PKD1L1: variants seen among roughly 807,000 people sequenced by gnomAD.
PKD1L1 encodes polycystin 1 like 1, transient receptor potential channel interacting.
A neutral mutation model predicts 323.4 loss-of-function variants in PKD1L1; 236 were observed. That is an observed-to-expected ratio of 0.73 (90% CI 0.66 to 0.81). The LOEUF (loss-of-function observed/expected upper bound fraction) is 0.81. Among genes scored for constraint, PKD1L1 ranks in the 40% least tolerant of loss-of-function variants. The pLI is 0.00. For synonymous variants in PKD1L1, 1,344 were observed against 1,335.0 expected (o/e 1.01, Z -0.15); for missense variants, 3,320 against 3,508.0 (o/e 0.95, Z 1.35).
chr7:47,949,727 T>C (rs1183539611), upstream of PKD1L1, among the ~76,000 whole-genome samples: 1 of 152,070 alleles, frequency 6.6e-6, no homozygotes, highest in African/African-American at 2.4e-5. Flanking sequence ...CTGAAGAGAG[T>C]GATACCAAGA....
At chr7:47,846,843 T>TA in intron 32 of PKD1L1, 36 bp downstream of exon 32, 1 of 1,569,080 alleles carries the variant, frequency 6.4e-7, no homozygotes, top group Non-Finnish European at 8.6e-7. Flanking sequence ...AGTCATTTAC[T>TA]AAAAATCTCA....
intron 19 of PKD1L1, among the ~76,000 whole-genome samples, chr7:47,883,569 G>A (rs1184214551): frequency 6.6e-6 from 1 of 152,170 alleles, no homozygotes; most frequent in Non-Finnish European, 1.5e-5. Context: ...CATGCCTCTT[G>A]TCTCTAGGAC....
chr7:47,825,252 A>G (rs1203523776), intron 45 of PKD1L1, among the ~76,000 whole-genome samples: 1 of 152,106 alleles, frequency 6.6e-6, no homozygotes, highest in Non-Finnish European at 1.5e-5. Flanking sequence ...CCTTTAGGCC[A>G]GGTGTGGTGG....
Position 47,853,194 on chromosome 7 carries a change from A to G in PKD1L1, c.4893T>C (p.Leu1631=), listed in dbSNP as rs138237758. The change falls in exon 31 of 57, where the codon CTT becomes CTC. Residue 1631 remains leucine, a synonymous_variant. Transcript: ENST00000289672. The stretch of plus-strand genomic sequence containing the variant: ...CATCCCAGAAGTAGATCTGCTTCAC[A>G]AGAAAATCAGAGGGAGTAGGTTTCT... ...FSEKPTPSDF[L]VKQIYFWDES... is the part of the protein sequence containing the mutation. 3.9e-4 allele frequency: 624 copies of G among 1,613,484 alleles called. 2 individuals carry two copies. The highest frequency in any genetic ancestry group is 1.1e-3 in the South Asian group (99 of 91,060).
Position 47,839,606 on chromosome 7 carries a change from C to G in PKD1L1, c.5609G>C (p.Gly1870Ala), listed in dbSNP as rs1284732759. ...RKIRLWHDSRGPSPGWFISHV... is the reference protein window; with the variant it reads ...RKIRLWHDSRAPSPGWFISHV... Reference sequence around the variant, plus strand: ...GCTGATGAACCAGCCTGGGGAAGGCCCACGGCTGTCGTGCCAGAGGCGGAT... The same window carrying G: ...GCTGATGAACCAGCCTGGGGAAGGCGCACGGCTGTCGTGCCAGAGGCGGAT... Residue 1870 changes from glycine (G) to alanine (A), a missense_variant, in exon 36 of 57, where the codon GGG becomes GCG. Coordinates refer to ENST00000289672, the MANE Select transcript of PKD1L1 (RefSeq NM_138295.5). The surrounding 1 kb of genome is among the most constrained non-coding windows in gnomAD (Gnocchi z 4.3). The G allele has an allele frequency of 7.5e-6, 12 of 1,593,596 alleles. No individual in the cohort carries two copies. Among genetic ancestry groups the G allele is most frequent in the Non-Finnish European group, 1.0e-5 (12 of 1,170,350 alleles).
chr7:47,815,541 A>T, intron 46 of PKD1L1, 84 bp from the exon 47 acceptor site: 2 of 1,466,722 alleles, frequency 1.4e-6, no homozygotes, highest in Non-Finnish European at 1.9e-6. Flanking sequence ...TTTTCTTGCC[A>T]ATTTTTCTCT....
chr7:47,944,120 C>T (rs113919510), intron 1 of PKD1L1, among the ~76,000 whole-genome samples: 3 of 152,326 alleles, frequency 2.0e-5, no homozygotes, highest in Non-Finnish European at 2.9e-5. Flanking sequence ...TGTCCCTGTG[C>T]AAATCTCATG....
rs1786980934 is a variant in PKD1L1, at chr7:47,792,758, G to A, written c.8395C>T (p.Leu2799Phe). ...GACAAACCATTAATCTTCATCAGAA[G>A]TTCGTCTAACAGATTTGCAAATTCA... ...LDEFANLLDE[L>F]LMKINGLSDS... is the part of the protein sequence containing the mutation. The change falls in exon 56 of 57, where the codon CTT becomes TTT. Residue 2799 changes from leucine to phenylalanine, a missense_variant. Coordinates refer to ENST00000289672, the MANE Select transcript of PKD1L1 (RefSeq NM_138295.5). The A allele has an allele frequency of 5.0e-6, 8 of 1,613,998 alleles. No individual in the cohort carries two copies. Among genetic ancestry groups the A allele is most frequent in the Non-Finnish European group, 6.8e-6 (8 of 1,179,964 alleles).
At chr7:47,940,728 A>G (rs1332900617) in intron 2 of PKD1L1, among the ~76,000 whole-genome samples, 1 of 152,192 alleles carries the variant, frequency 6.6e-6, no homozygotes. Context: ...ACCATTAAAG[A>G]CACTCCAAAG....
chr7:47,785,198 C>T (rs572225038), intron 56 of PKD1L1, among the ~76,000 whole-genome samples: 3 of 152,200 alleles, frequency 2.0e-5, no homozygotes, highest in South Asian at 2.1e-4. Flanking sequence ...GCATCCTTAC[C>T]GACCCCTCTC....
Position 47,929,388 on chromosome 7 carries a change from A to G in PKD1L1, c.876T>C (p.Pro292=), listed in dbSNP as rs750076530. The G allele has an allele frequency of 6.2e-7, 1 of 1,614,240 alleles. No homozygotes were observed. Among genetic ancestry groups the G allele is most frequent in the Non-Finnish European group, 8.5e-7 (1 of 1,180,046 alleles). Residue 292 remains proline (P), a synonymous_variant, in exon 7 of 57, where the codon CCT becomes CCC. Coordinates refer to ENST00000289672, the MANE Select transcript of PKD1L1 (RefSeq NM_138295.5). ...LARNSDNFMN[P]VLNCSLEVEA... is the part of the protein sequence containing the mutation. ...CCACTTCCAGGGAGCAATTAAGAACAGGGTTCATGAAGTTATCAGAATTTC... is the reference window on the plus strand; with the variant it reads ...CCACTTCCAGGGAGCAATTAAGAACGGGGTTCATGAAGTTATCAGAATTTC...
intron 16 of PKD1L1, among the ~76,000 whole-genome samples, 182 bp downstream of exon 16, chr7:47,890,360 G>A (rs975646615): frequency 1.3e-5 from 2 of 152,214 alleles, no homozygotes; most frequent in African/African-American, 2.4e-5. Flanking sequence ...ATCAGCCCGA[G>A]AGCGGGGACT....
chr7:47,866,471 C>G lies in PKD1L1; in HGVS notation c.4040G>C (p.Arg1347Pro), dbSNP rs79519739. 1.9e-6 allele frequency: 3 copies of G among 1,613,718 alleles called. No homozygotes were observed. The highest frequency in any genetic ancestry group is 2.5e-6 in the Non-Finnish European group (3 of 1,179,914). ...TGAAGAAATTAATGCATCCTGTATT[C>G]GTGACCATTGGTTGCAGGAGGCAGT... ...DKTASCNQWS[R>P]IQDALISSVC... is the part of the protein sequence containing the mutation. Residue 1347 changes from arginine (R) to proline (P), a missense_variant, in exon 25 of 57, where the codon CGA (arginine) becomes CCA (proline). Transcript: ENST00000289672.
intron 7 of PKD1L1, among the ~76,000 whole-genome samples, chr7:47,917,664 T>G (rs1787457754): frequency 6.6e-6 from 1 of 152,206 alleles, no homozygotes; most frequent in Non-Finnish European, 1.5e-5. Flanking sequence ...CGGAAGGGTT[T>G]GGTCAGTCTC....
chr7:47,918,679 A>G (rs1787478167), intron 7 of PKD1L1, among the ~76,000 whole-genome samples: 1 of 152,192 alleles, frequency 6.6e-6, no homozygotes, highest in Non-Finnish European at 1.5e-5. Flanking sequence ...CTCTCAGACC[A>G]CAGTGGAATA....
Position 47,910,227 on chromosome 7 carries a change from A to G in PKD1L1, c.1229-1977T>C, listed in dbSNP as rs550545215. On this transcript the variant is annotated intron_variant, in intron 8 of 56. Coordinates refer to ENST00000289672, the MANE Select transcript of PKD1L1 (RefSeq NM_138295.5). ...ATGTCAAAAGGCAGATTTCACGACCACAAGTTAGAAAAGGCAGTTTATATA... is the reference window on the plus strand; with the variant it reads ...ATGTCAAAAGGCAGATTTCACGACCGCAAGTTAGAAAAGGCAGTTTATATA... 2.0e-5 allele frequency among the ~76,000 whole-genome samples: 3 copies of G among 152,354 alleles called. No homozygotes were observed. The East Asian group carries it at 5.8e-4, about 29-fold the overall frequency.
At chr7:47,933,351 A>T (rs372322361) in intron 4 of PKD1L1, among the ~76,000 whole-genome samples, 1 of 152,188 alleles carries the variant, frequency 6.6e-6, no homozygotes, top group South Asian at 2.1e-4. Context: ...CCCCTTCCTG[A>T]GTCGTCATTT....
chr7:47,839,461 T>C lies in PKD1L1; in HGVS notation c.5754A>G (p.Gly1918=). Residue 1918 remains glycine (G), a synonymous_variant, in exon 36 of 57, where the codon GGA becomes GGG. Transcript: ENST00000289672. The surrounding 1 kb of genome is among the most constrained non-coding windows in gnomAD (Gnocchi z 4.3). ...VERELTCLQG[G]LGFRKLFYCK... ...GGGAGCCTACCTTCCGGAAGCCGAGTCCCCCTTGCAGACAGGTGAGCTCCC... is the reference window on the plus strand; with the variant it reads ...GGGAGCCTACCTTCCGGAAGCCGAGCCCCCCTTGCAGACAGGTGAGCTCCC... 1.2e-6 allele frequency: 2 copies of C among 1,609,390 alleles called. No individual in the cohort carries two copies. The highest frequency in any genetic ancestry group is 8.5e-7 in the Non-Finnish European group (1 of 1,177,826).
At chr7:47,790,394 A>C (rs1786914066) in intron 56 of PKD1L1, among the ~76,000 whole-genome samples, 1 of 150,884 alleles carries the variant, frequency 6.6e-6, no homozygotes, top group Admixed American at 6.6e-5. Flanking sequence ...GCAGTGGCAC[A>C]ATCTCGGCTC....
Sources: gnomAD v4.1 joint callset for allele counts (sites outside exome capture counted in the v4.1 genomes callset) on GRCh38, gnomAD v4.1.1 for gene constraint, Gnocchi (gnomAD v3.1) non-coding constraint, MANE v1.5 for transcripts, NCBI Gene and HGNC (gene_info 2026-07-23, HGNC 2026-07-21) for gene names.